The following TNRC6A variants were observed in gnomAD, a reference collection of about 807,000 sequenced individuals.
TNRC6A encodes the protein trinucleotide repeat containing adaptor 6A, also known as trinucleotide repeat-containing gene 6A protein.
Under a neutral mutation model 221.2 loss-of-function variants are expected in TNRC6A, and 44 were observed. The observed-to-expected ratio is 0.20, with a 90% CI of 0.16 to 0.26. The LOEUF (loss-of-function observed/expected upper bound fraction) is 0.26. Among genes scored for constraint, TNRC6A ranks in the 10% least tolerant of loss-of-function variants. TNRC6A has a pLI of 1.00. For synonymous variants in TNRC6A, 847 were observed against 838.5 expected (o/e 1.01, Z -0.18); for missense variants, 2,199 against 2,404.4 (o/e 0.91, Z 1.79).
chr16:24,754,584 C>A (rs535944381), intron 3 of TNRC6A, among the ~76,000 whole-genome samples: 1 of 152,012 alleles, frequency 6.6e-6, no homozygotes, highest in Non-Finnish European at 1.5e-5. Context: ...AGGGGGGTGA[C>A]AGTAGTAGCA....
intron 2 of TNRC6A, among the ~76,000 whole-genome samples, chr16:24,747,679 A>G (rs999935711): frequency 6.6e-6 from 1 of 152,198 alleles, no homozygotes; most frequent in Non-Finnish European, 1.5e-5. Context: ...GAGATATGGG[A>G]AAAAGCATGA....
upstream of TNRC6A, chr16:24,729,560 C>A: frequency 2.6e-6 from 1 of 383,178 alleles, no homozygotes; most frequent in Non-Finnish European, 4.6e-6. Context: ...TGCCAAGGAC[C>A]TGCCCAATCT....
chr16:24,788,923 C>T lies in TNRC6A; in HGVS notation c.590-309C>T, dbSNP rs961266189. On this transcript the variant is annotated intron_variant, in intron 5 of 24. Transcript: ENST00000395799. ...TCGGCCTTCCAGAGTGCTGGGATTA[C>T]AAGCGTGAGCCACCACGCCCGGCCC... Among the ~76,000 whole-genome samples, 6 of 152,340 alleles carry T rather than the reference C, an allele frequency of 3.9e-5. No individual in the cohort carries two copies. In the East Asian group the frequency reaches 9.6e-4, roughly 24 times the overall value.
chr16:24,813,827 C>T (rs1213056986), intron 18 of TNRC6A, among the ~76,000 whole-genome samples: 1 of 152,172 alleles, frequency 6.6e-6, no homozygotes, highest in East Asian at 1.9e-4. Flanking sequence ...ATCTGTTTCT[C>T]TTAGATGAAA....
At chr16:24,766,674 C>CTTTTTTTTTTTTTTTT (rs397972605) in intron 4 of TNRC6A, among the ~76,000 whole-genome samples, 6 of 121,408 alleles carry the variant, frequency 4.9e-5, no homozygotes, top group African/African-American at 6.2e-5. Context: ...TTCTTTTTAT[C>CTTTTTTTTTTTTTTTT]TTTTTTTTTT....
At chr16:24,737,080 C>T (rs1430821352) in intron 2 of TNRC6A, among the ~76,000 whole-genome samples, 3 of 152,156 alleles carry the variant, frequency 2.0e-5, no homozygotes, top group Non-Finnish European at 4.4e-5. Flanking sequence ...ACCAAGGGTT[C>T]TCATCCCGAT....
intron 5 of TNRC6A, among the ~76,000 whole-genome samples, chr16:24,782,957 A>G (rs980254329): frequency 1.3e-5 from 2 of 152,202 alleles, no homozygotes; most frequent in Non-Finnish European, 2.9e-5. Flanking sequence ...CCTTGGAAAC[A>G]TTGTAAAACA....
rs370685836 is a variant in TNRC6A, at chr16:24,810,358, TTGAA to T, written c.4672+880_4672+883del. On this transcript the variant is annotated intron_variant, in intron 18 of 24. Transcript: ENST00000395799. ...ACACAATGTACATACATGCTTACAGTTGAATGTATGTATGTATGTATATACGTAA... is the reference window on the plus strand; with the variant it reads ...ACACAATGTACATACATGCTTACAGTTGTATGTATGTATGTATATACGTAA... Among the ~76,000 whole-genome samples the T allele has an allele frequency of 4.4e-4, 67 of 152,314 alleles. 1 individual carries two copies. In the East Asian group the frequency reaches 0.013, roughly 29 times the overall value.
Position 24,777,043 on chromosome 16 carries a change from A to G in TNRC6A, c.274A>G (p.Asn92Asp). The G allele has an allele frequency of 1.9e-6, 3 of 1,613,948 alleles. No homozygotes were observed. The highest frequency in any genetic ancestry group is 2.2e-5 in the South Asian group (2 of 91,064). The change falls in exon 5 of 25, where the codon AAT becomes GAT. Residue 92 changes from asparagine to aspartate, a missense_variant. Physicochemically the swap from Asn to Asp is conservative, Grantham distance 23 (BLOSUM62 1). This residue lies in a region of TNRC6A where 1,405 missense variants were observed against 1,400.2 expected (regional missense o/e 1.00). Transcript: ENST00000395799. ...TAATGCCAAGCGAGCTACAGCCAACAATCAGCAGCCACAGCAGCAGCAGCA... is the reference window on the plus strand; with the variant it reads ...TAATGCCAAGCGAGCTACAGCCAACGATCAGCAGCCACAGCAGCAGCAGCA... Reference protein sequence around the residue: ...NNNAKRATANNQQPQQQQQQQ... With the variant: ...NNNAKRATANDQQPQQQQQQQ...
chr16:24,797,710 A>G, intron 10 of TNRC6A, 140 bp downstream of exon 10: 3 of 906,978 alleles, frequency 3.3e-6, no homozygotes, highest in Non-Finnish European at 4.8e-6. Flanking sequence ...CGGCCTCCAA[A>G]CCTTCATTTT....
chr16:24,720,660 C>A (rs1476913759), intron 2 of TNRC6A, among the ~76,000 whole-genome samples: 1 of 121,498 alleles, frequency 8.2e-6, no homozygotes, highest in Non-Finnish European at 1.6e-5. Context: ...CATTGCACTA[C>A]AGCCTGGGCG....
At chr16:24,751,227 G>T (rs1310896857) in intron 3 of TNRC6A, among the ~76,000 whole-genome samples, 1 of 152,096 alleles carries the variant, frequency 6.6e-6, no homozygotes, top group Admixed American at 6.5e-5. Context: ...CTTGTGTTTT[G>T]TTAAATGAGG....
chr16:24,798,841 A>T (rs1382403737), intron 11 of TNRC6A, among the ~76,000 whole-genome samples: 1 of 152,234 alleles, frequency 6.6e-6, no homozygotes, highest in Non-Finnish European at 1.5e-5. Context: ...AAAATGTAGT[A>T]TACAAGACTT....
At chr16:24,696,406 GGTGCTT>G (rs1555490624) in intron 2 of TNRC6A, among the ~76,000 whole-genome samples, 1 of 150,658 alleles carries the variant, frequency 6.6e-6, no homozygotes, top group Non-Finnish European at 1.5e-5. Flanking sequence ...TCATGCTAAA[GGTGCTT>G]GTTCAGCTCA....
In TNRC6A at chr16:24,660,014, C is replaced by G. The variant is rs1460142389; in HGVS notation, n.402+19005C>G. Among the ~76,000 whole-genome samples the G allele has an allele frequency of 4.6e-5, 7 of 151,876 alleles. No individual in the cohort carries two copies. In the East Asian group the frequency reaches 1.2e-3, roughly 25 times the overall value. On this transcript the variant is annotated intron_variant and non_coding_transcript_variant, in intron 2 of 2. Coordinates refer to the TNRC6A transcript ENST00000566108. Reference sequence around the variant, plus strand: ...AGGTGAGCTATAGTCATATGTTAGTCTTGGTGTCTGTTGGAAGCTGATGCT... The same window carrying G: ...AGGTGAGCTATAGTCATATGTTAGTGTTGGTGTCTGTTGGAAGCTGATGCT...
intron 2 of TNRC6A, among the ~76,000 whole-genome samples, chr16:24,647,656 G>T (rs1269927838): frequency 6.6e-6 from 1 of 152,174 alleles, no homozygotes; most frequent in Admixed American, 6.5e-5. Context: ...CTTTCGCCCA[G>T]GCTGGAGTGC....
chr16:24,662,875 A>G (rs2055064550), intron 2 of TNRC6A: 1 of 153,786 alleles, frequency 6.5e-6, no homozygotes, highest in South Asian at 2.1e-4. Flanking sequence ...GCTGGTGTAT[A>G]TGCACACACA....
In TNRC6A at chr16:24,675,659, ACTCTCTCT is replaced by A. The variant is rs71381700; in HGVS notation, n.402+34687_402+34694del. On this transcript the variant is annotated intron_variant and non_coding_transcript_variant, in intron 2 of 2. Coordinates refer to the TNRC6A transcript ENST00000566108. ...TCACACCACTGCACTCCAGCCAGAG[ACTCTCTCT>A]CTCTCTCTCTCTCTCTCTCTCTCTC... Among the ~76,000 whole-genome samples the A allele has an allele frequency of 6.1e-3, 230 of 37,418 alleles. 3 individuals carry two copies. Among genetic ancestry groups the A allele is most frequent in the African/African-American group, 7.9e-3 (71 of 9,008 alleles). 24.5% of individuals were successfully genotyped at this position (37,418 alleles called of 152,430 possible).
intron 18 of TNRC6A, among the ~76,000 whole-genome samples, chr16:24,814,704 C>G (rs963613467): frequency 6.6e-6 from 1 of 152,084 alleles, no homozygotes; most frequent in African/African-American, 2.4e-5. Context: ...TGAGCCACCA[C>G]GCCTGGCCCC....
Sources: allele counts gnomAD v4.1 joint callset (sites outside exome capture counted in the v4.1 genomes callset), GRCh38; gene constraint gnomAD v4.1.1; regional missense constraint gnomAD v4.1.1; transcripts MANE v1.5; gene names NCBI Gene and HGNC (gene_info 2026-07-23, HGNC 2026-07-21).